Variants in ESRRG observed in about 807,000 individuals in gnomAD.
ESRRG encodes the protein estrogen-related receptor gamma.
A neutral mutation model predicts 44.0 loss-of-function variants in ESRRG; 13 were observed. The ratio of observed to expected loss-of-function variants is 0.30; its 90% CI spans 0.19 to 0.47. ESRRG has a LOEUF of 0.47. ESRRG is among the 20% of genes least tolerant of loss of function. ESRRG has a pLI of 1.00. For missense variants in ESRRG, 395 were observed against 580.6 expected (o/e 0.68, Z 3.29); for synonymous variants, 215 against 214.6 (o/e 1.00, Z -0.02).
intron 3 of ESRRG, among the ~76,000 whole-genome samples, chr1:216,639,303 G>A (rs1020778283): frequency 5.9e-5 from 9 of 152,150 alleles, no homozygotes; most frequent in Non-Finnish European, 1.3e-4. Flanking sequence ...GGGGTGGAGA[G>A]GGTGAAGGGA....
intron 1 of ESRRG, among the ~76,000 whole-genome samples, chr1:217,009,361 A>G (rs749866145): frequency 6.6e-5 from 10 of 152,160 alleles, no homozygotes; most frequent in Non-Finnish European, 5.9e-5. Context: ...GGGATGCCAC[A>G]CCTTTAAGGG....
intron 5 of ESRRG, among the ~76,000 whole-genome samples, chr1:216,546,358 T>G (rs1158797382): frequency 6.6e-6 from 1 of 151,832 alleles, no homozygotes; most frequent in African/African-American, 2.4e-5. Flanking sequence ...TGCAGCATTT[T>G]TGGAAACCTA....
intron 2 of ESRRG, among the ~76,000 whole-genome samples, chr1:216,772,732 C>A (rs963997626): frequency 6.6e-6 from 1 of 151,872 alleles, no homozygotes; most frequent in Non-Finnish European, 1.5e-5. Context: ...ACTTAACAAC[C>A]CATTCTGGCT....
chr1:216,836,720 C>A (rs79938739), intron 2 of ESRRG, among the ~76,000 whole-genome samples: 3 of 152,076 alleles, frequency 2.0e-5, no homozygotes, highest in Admixed American at 1.3e-4. Flanking sequence ...TGAGTCGTGG[C>A]GGCAGAGTGA....
intron 2 of ESRRG, among the ~76,000 whole-genome samples, chr1:216,841,355 G>A (rs2095650595): frequency 6.6e-6 from 1 of 152,050 alleles, no homozygotes; most frequent in South Asian, 2.1e-4. Flanking sequence ...CCTGTTTTCA[G>A]GGCAAACATC....
At chr1:216,827,270 GT>G (rs1336312313) in intron 2 of ESRRG, among the ~76,000 whole-genome samples, 1 of 152,140 alleles carries the variant, frequency 6.6e-6, no homozygotes, top group African/African-American at 2.4e-5. Flanking sequence ...TGAAAAAGAA[GT>G]CTGTAAAATG....
At chr1:216,948,406 G>T (rs746307990) in intron 1 of ESRRG, among the ~76,000 whole-genome samples, 1 of 148,822 alleles carries the variant, frequency 6.7e-6, no homozygotes, top group African/African-American at 2.5e-5. Flanking sequence ...GAACCTGGGA[G>T]GCAGAGATTG....
intron 2 of ESRRG, among the ~76,000 whole-genome samples, chr1:216,929,199 C>T (rs968389176): frequency 3.9e-5 from 6 of 152,154 alleles, no homozygotes; most frequent in Non-Finnish European, 8.8e-5. Context: ...TTTCAGAAGA[C>T]ACTTGTCAGG....
At chr1:216,724,821 T>C (rs2087152388), upstream of ESRRG, among the ~76,000 whole-genome samples, 1 of 152,172 alleles carries the variant, frequency 6.6e-6, no homozygotes, top group South Asian at 2.1e-4. Context: ...CTAGCAAATG[T>C]ACATTGGAAT....
chr1:216,525,786 C>T (rs906649113), intron 5 of ESRRG, among the ~76,000 whole-genome samples: 3 of 152,120 alleles, frequency 2.0e-5, no homozygotes, highest in Non-Finnish European at 2.9e-5. Context: ...AGGATCTATG[C>T]TTGAATCTGA....
intron 1 of ESRRG, among the ~76,000 whole-genome samples, chr1:217,002,640 G>A (rs2150675748): frequency 6.6e-6 from 1 of 152,198 alleles, no homozygotes; most frequent in Middle Eastern, 3.4e-3. Context: ...GATGGTGTGT[G>A]ACTTTCAAGG....
Position 216,591,251 on chromosome 1 carries a change from C to A in ESRRG, c.590-23153G>T, listed in dbSNP as rs183552341. Among the ~76,000 whole-genome samples the A allele has an allele frequency of 3.0e-4, 46 of 152,296 alleles. 1 individual carries two copies. Among genetic ancestry groups the A allele is most frequent in the Non-Finnish European group, 4.9e-4 (33 of 68,036 alleles). Reference sequence around the variant, plus strand: ...CAATGATGACCATGATTTAATCATTCATGCCTACATAATGGAAACATTGTA... The same window carrying A: ...CAATGATGACCATGATTTAATCATTAATGCCTACATAATGGAAACATTGTA... On this transcript the variant is annotated intron_variant, in intron 3 of 6. Coordinates refer to ENST00000408911, the MANE Select transcript of ESRRG (RefSeq NM_001438.4).
intron 1 of ESRRG, among the ~76,000 whole-genome samples, chr1:217,108,525 TG>T (rs2092624935): frequency 6.6e-6 from 1 of 152,098 alleles, no homozygotes; most frequent in African/African-American, 2.4e-5. Context: ...TGAAGCTTGG[TG>T]TGAGGTGATT....
intron 6 of ESRRG, among the ~76,000 whole-genome samples, chr1:216,512,529 T>C (rs1571999579): frequency 1.3e-5 from 2 of 152,202 alleles, no homozygotes; most frequent in African/African-American, 4.8e-5. Flanking sequence ...TTAAAAAAAC[T>C]ATAATAAAAT....
At chr1:216,864,663 G>A (rs151015589) in intron 2 of ESRRG, 6 of 152,274 alleles carry the variant, frequency 3.9e-5, no homozygotes, top group East Asian at 1.9e-4. Flanking sequence ...GAACAACTCC[G>A]TGTTTCCCTC....
At chr1:216,909,657 A>G (rs1578007920) in intron 2 of ESRRG, among the ~76,000 whole-genome samples, 1 of 152,048 alleles carries the variant, frequency 6.6e-6, no homozygotes, top group Admixed American at 6.6e-5. Flanking sequence ...ATTGCTGGGA[A>G]TACAGGTGTG....
At chr1:217,123,267 T>C (rs1376983957) in intron 1 of ESRRG, among the ~76,000 whole-genome samples, 1 of 152,180 alleles carries the variant, frequency 6.6e-6, no homozygotes, top group Non-Finnish European at 1.5e-5. Context: ...TACATAATGT[T>C]AGCACTCATC....
chr1:217,093,123 A>G (rs2092373218), upstream of ESRRG, among the ~76,000 whole-genome samples: 1 of 152,190 alleles, frequency 6.6e-6, no homozygotes, highest in Non-Finnish European at 1.5e-5. Flanking sequence ...TAAAATTTCC[A>G]TTTAAAAGGA....
At chr1:216,706,975 C>T (rs903540803) in intron 1 of ESRRG, among the ~76,000 whole-genome samples, 5 of 152,166 alleles carry the variant, frequency 3.3e-5, no homozygotes, top group Admixed American at 3.3e-4. Context: ...AAATTGAAAT[C>T]CCAGGCTTTT....
Sources: gnomAD v4.1 joint callset for allele counts (sites outside exome capture counted in the v4.1 genomes callset) on GRCh38, gnomAD v4.1.1 for gene constraint, MANE v1.5 for transcripts, NCBI Gene and HGNC (gene_info 2026-07-23, HGNC 2026-07-21) for gene names.